The following ACACA variants were observed in gnomAD, a reference collection of about 807,000 sequenced individuals.
ACACA encodes acetyl-CoA carboxylase alpha, also known as acetyl-CoA carboxylase 1.
ACACA carries 103 observed loss-of-function variants against 296.1 expected under a neutral mutation model. The ratio of observed to expected loss-of-function variants is 0.35; its 90% confidence interval spans 0.30 to 0.41. The LOEUF is 0.41. Ranked by LOEUF, ACACA falls within the 10% of genes least tolerant of loss-of-function variation. ACACA has a pLI of 1.00. For missense variants in ACACA, 1,554 were observed against 2,989.7 expected (o/e 0.52, Z 11.20); for synonymous variants, 953 against 1,038.6 (o/e 0.92, Z 1.58).
rs1340915961 is a variant in ACACA at position 37,243,547 on chromosome 17, C to A, written c.2755G>T (p.Val919Leu). The change falls in exon 22 of 56, where the codon GTA becomes TTA. Residue 919 changes from valine to leucine, a missense_variant. Val to Leu is a conservative substitution (Grantham distance 32). Coordinates refer to ENST00000616317, the MANE Select transcript of ACACA (RefSeq NM_198834.3). ...CTGAGGGTTTTCATCAATCGCTCTA[C>A]CCAGTCTTTTACCTAGAAAGAAAGC... ...PFFSSKVKDW[V>L]ERLMKTLRDP... The A allele has an allele frequency of 6.2e-7, 1 of 1,613,772 alleles. No homozygotes were observed. The highest frequency in any genetic ancestry group is 1.1e-5 in the South Asian group (1 of 91,066).
intron 4 of ACACA, 138 bp downstream of exon 4, chr17:37,284,700 G>T: frequency 9.1e-7 from 1 of 1,094,494 alleles, no homozygotes; most frequent in Non-Finnish European, 1.4e-6. Context: ...TAGGGAGGCA[G>T]AAAGGCTAAA....
At chr17:37,193,249 A>G in intron 36 of ACACA, 125 bp downstream of exon 36, 1 of 740,894 alleles carries the variant, frequency 1.3e-6, no homozygotes, top group East Asian at 2.7e-5. Context: ...GTAAGGCAAC[A>G]GGAAGCACAA....
intron 8 of ACACA, among the ~76,000 whole-genome samples, chr17:37,275,332 CA>C (rs1172011091): frequency 1.3e-5 from 2 of 151,454 alleles, no homozygotes; most frequent in African/African-American, 2.4e-5. Context: ...CCTGTCTCTA[CA>C]AAAAAATACA....
At chr17:37,330,971 AC>A (rs944214557) in intron 2 of ACACA, among the ~76,000 whole-genome samples, 2 of 152,114 alleles carry the variant, frequency 1.3e-5, no homozygotes, top group Non-Finnish European at 2.9e-5. Flanking sequence ...ATGCAGTACT[AC>A]AATCATGGTT....
intron 42 of ACACA, among the ~76,000 whole-genome samples, chr17:37,158,844 C>T (rs750605511): frequency 6.6e-6 from 1 of 152,006 alleles, no homozygotes; most frequent in Non-Finnish European, 1.5e-5. Context: ...CTGCTGCAGC[C>T]TCTGTGCTCC....
intron 1 of ACACA, among the ~76,000 whole-genome samples, chr17:37,341,090 G>A (rs1173472363): frequency 1.3e-5 from 2 of 151,998 alleles, no homozygotes; most frequent in Non-Finnish European, 2.9e-5. Context: ...ATAAATTAAC[G>A]AATTTAATTA....
intron 1 of ACACA, among the ~76,000 whole-genome samples, chr17:37,383,634 G>A (rs1241678786): frequency 6.6e-6 from 1 of 152,136 alleles, no homozygotes; most frequent in East Asian, 1.9e-4. Context: ...TGCAACCTCC[G>A]CCTCCCAGGT....
intron 45 of ACACA, chr17:37,143,826 C>T: frequency 8.6e-6 from 12 of 1,400,730 alleles, no homozygotes; most frequent in Non-Finnish European, 1.2e-5. Context: ...CAGCAGTATC[C>T]TTTTCGTATT....
chr17:37,167,379 T>C (rs937634534), intron 41 of ACACA, among the ~76,000 whole-genome samples: 1 of 150,818 alleles, frequency 6.6e-6, no homozygotes. Context: ...AGTGCAGTGA[T>C]GCAATCTTGG....
chr17:37,270,184 C>A (rs2082006571), intron 10 of ACACA, among the ~76,000 whole-genome samples: 1 of 152,190 alleles, frequency 6.6e-6, no homozygotes, highest in Non-Finnish European at 1.5e-5. Context: ...CATAGGGTTC[C>A]TGTGCCAGGG....
At chr17:37,244,831 T>G in intron 20 of ACACA, 97 bp from the exon 21 acceptor site, 1 of 1,534,712 alleles carries the variant, frequency 6.5e-7, no homozygotes. Context: ...AATCGAGACA[T>G]CATACCCAGC....
At chr17:37,247,333 T>C (rs1012391007) in intron 18 of ACACA, among the ~76,000 whole-genome samples, 2 of 152,008 alleles carry the variant, frequency 1.3e-5, no homozygotes, top group African/African-American at 4.8e-5. Context: ...ATTTATTTCA[T>C]TCTCATAACA....
chr17:37,251,914 A>T (rs191767843), intron 16 of ACACA, 91 bp downstream of exon 16: 54 of 1,199,684 alleles, frequency 4.5e-5, no homozygotes, highest in Non-Finnish European at 2.7e-5. Context: ...GCTGCCAGGA[A>T]TGGACAGAAG....
At chr17:37,339,534 T>C (rs2048289522) in intron 2 of ACACA, among the ~76,000 whole-genome samples, 1 of 152,204 alleles carries the variant, frequency 6.6e-6, no homozygotes, top group South Asian at 2.1e-4. Context: ...AGAGAGGTCA[T>C]GTATGGAAAA....
At chr17:37,107,792 G>C (rs1379955523) in intron 52 of ACACA, among the ~76,000 whole-genome samples, 2 of 152,214 alleles carry the variant, frequency 1.3e-5, no homozygotes, top group Non-Finnish European at 2.9e-5. Context: ...ACTTGGGCTG[G>C]ACAGTTCTCT....
Position 37,151,425 on chromosome 17 carries a change from T to C in ACACA, c.5448-4A>G, listed in dbSNP as rs377570416. 9 of 1,613,522 alleles carry C rather than the reference T, an allele frequency of 5.6e-6. No individual in the cohort carries two copies. Among genetic ancestry groups the C allele is most frequent in the Non-Finnish European group, 7.6e-6 (9 of 1,179,844 alleles). ...AATAATATCTGTTATCTTGTACCTA[T>C]TGGATATGGCCATGTCAAATTATGA... On this transcript the variant is annotated splice_polypyrimidine_tract_variant and splice_region_variant and intron_variant, in intron 43 of 55. Transcript: ENST00000616317.
intron 28 of ACACA, among the ~76,000 whole-genome samples, chr17:37,222,796 C>G (rs1567839327): frequency 6.6e-6 from 1 of 152,152 alleles, no homozygotes; most frequent in African/African-American, 2.4e-5. Flanking sequence ...CTCTTTTTCC[C>G]CATCTTCAAA....
At chr17:37,390,175 T>TATATATATATATATATAC (rs60788220) in intron 1 of ACACA, among the ~76,000 whole-genome samples, 1 of 44,506 alleles carries the variant, frequency 2.2e-5, no homozygotes, top group African/African-American at 1.2e-4. Flanking sequence ...TATATATATA[T>TATATATATATATATATAC]ACACACACAC....
chr17:37,207,942 G>T, intron 30 of ACACA, 142 bp from the exon 31 acceptor site: 1 of 877,596 alleles, frequency 1.1e-6, no homozygotes, highest in Non-Finnish European at 1.9e-6. Context: ...TACCCACTAT[G>T]GATAAGGTTG....
Sources: gnomAD v4.1 joint callset for allele counts (sites outside exome capture counted in the v4.1 genomes callset) on GRCh38, gnomAD v4.1.1 for gene constraint, MANE v1.5 for transcripts, NCBI Gene and HGNC (gene_info 2026-07-23, HGNC 2026-07-21) for gene names.